Variants in SYNPO2 observed in about 807,000 individuals in gnomAD.
The protein encoded by SYNPO2 is synaptopodin-2.
Under a neutral mutation model 85.0 loss-of-function variants are expected in SYNPO2, and 56 were observed. The observed-to-expected ratio is 0.66, with a 90% confidence interval of 0.53 to 0.82. The LOEUF (loss-of-function observed/expected upper bound fraction) is 0.82. SYNPO2 is among the 40% of genes least tolerant of loss of function. SYNPO2 has a pLI of 0.00. For missense variants in SYNPO2, 1,575 were observed against 1,534.2 expected, an observed-to-expected ratio of 1.03 and a Z score of -0.44; for synonymous variants, 602 against 591.1, an observed-to-expected ratio of 1.02 and a Z score of -0.27.
At chr4:118,937,666 C>A (rs1274918366) in intron 1 of SYNPO2, among the ~76,000 whole-genome samples, 2 of 151,968 alleles carry the variant, frequency 1.3e-5, no homozygotes, top group African/African-American at 2.4e-5. Flanking sequence ...AGTTTCTTCA[C>A]CTGTACAATA....
chr4:119,016,852 A>C (rs1578645927), intron 1 of SYNPO2, among the ~76,000 whole-genome samples: 2 of 152,322 alleles, frequency 1.3e-5, no homozygotes, highest in South Asian at 2.1e-4. Context: ...CTGTGGAATC[A>C]CTTTGGTATG....
chr4:119,006,141 C>G (rs939181584), intron 1 of SYNPO2: 4 of 153,180 alleles, frequency 2.6e-5, no homozygotes, highest in African/African-American at 4.8e-5. Flanking sequence ...TACAGATAAG[C>G]CTGAACATGA....
At chr4:118,939,810 AATAGAGTTACCCGTC>A (rs1170314248) in intron 1 of SYNPO2, among the ~76,000 whole-genome samples, 2 of 152,120 alleles carry the variant, frequency 1.3e-5, no homozygotes, top group Non-Finnish European at 2.9e-5. Flanking sequence ...TGACTTCCCT[AATAGAGTTACCCGTC>A]ATGGTTTAAG....
intron 1 of SYNPO2, among the ~76,000 whole-genome samples, chr4:118,993,200 GACAA>G (rs199944469): frequency 0.085 from 12,826 of 151,712 alleles, 637 homozygotes; most frequent in East Asian, 0.12. Flanking sequence ...AGAGAGAGAA[GACAA>G]ACAAAATGTG....
chr4:118,919,120 A>G (rs993255091), intron 1 of SYNPO2, among the ~76,000 whole-genome samples: 2 of 152,228 alleles, frequency 1.3e-5, no homozygotes. Flanking sequence ...ACAAGTATTC[A>G]AAAATACTCA....
At chr4:118,919,440 A>G (rs996084227) in intron 1 of SYNPO2, among the ~76,000 whole-genome samples, 5 of 152,174 alleles carry the variant, frequency 3.3e-5, no homozygotes, top group African/African-American at 1.2e-4. Flanking sequence ...CTAGGTATCA[A>G]CTTTTAAAGC....
intron 1 of SYNPO2, among the ~76,000 whole-genome samples, chr4:118,914,165 G>C (rs777318416): frequency 2.6e-5 from 4 of 152,076 alleles, no homozygotes; most frequent in Non-Finnish European, 5.9e-5. Flanking sequence ...TTTATTGAGA[G>C]ATTGTATTAG....
chr4:118,973,657 A>G (rs1432374728), intron 1 of SYNPO2, among the ~76,000 whole-genome samples: 3 of 152,186 alleles, frequency 2.0e-5, no homozygotes, highest in African/African-American at 7.2e-5. Flanking sequence ...ACTGTTGGGC[A>G]AATGCCAGTT....
intron 1 of SYNPO2, among the ~76,000 whole-genome samples, chr4:119,013,577 G>A (rs529545667): frequency 3.9e-4 from 59 of 152,230 alleles, no homozygotes; most frequent in African/African-American, 1.3e-3. Context: ...CCCATTTAAG[G>A]AAAACAATGG....
At chr4:119,049,051 G>A (rs184746749) in intron 4 of SYNPO2, among the ~76,000 whole-genome samples, 74 of 152,290 alleles carry the variant, frequency 4.9e-4, no homozygotes, top group African/African-American at 1.8e-3. Context: ...ATTTGTGATA[G>A]CTTAGTCCAG....
upstream of SYNPO2, among the ~76,000 whole-genome samples, chr4:118,884,941 G>A (rs1029486030): frequency 2.6e-5 from 4 of 152,212 alleles, no homozygotes; most frequent in Admixed American, 1.3e-4. Flanking sequence ...ATAGTAGCAC[G>A]TGGAAGGAAC....
At chr4:119,025,123 C>G (rs1737884248) in intron 2 of SYNPO2, among the ~76,000 whole-genome samples, 1 of 152,158 alleles carries the variant, frequency 6.6e-6, no homozygotes, top group Non-Finnish European at 1.5e-5. Flanking sequence ...TTTACTTCAG[C>G]TGCTGATAAA....
chr4:118,965,011 C>T (rs921350531), intron 1 of SYNPO2, among the ~76,000 whole-genome samples: 1 of 152,134 alleles, frequency 6.6e-6, no homozygotes, highest in Non-Finnish European at 1.5e-5. Context: ...GTTGCATTCA[C>T]AGTCAGCTCT....
Position 119,058,675 on chromosome 4 carries a change from A to G in SYNPO2, c.*741A>G, listed in dbSNP as rs1430031079. ...TTTTTAGTAGACACAAAGTTTCACC[A>G]TGTTGGTCAGACTGGTCTTGAACTC... On this transcript the variant is annotated 3_prime_UTR_variant, in exon 5 of 5. Coordinates refer to ENST00000307142, the MANE Select transcript of SYNPO2 (RefSeq NM_133477.3). 6.6e-6 allele frequency: 1 copy of G among 151,892 alleles called. No homozygotes were observed. Among genetic ancestry groups the G allele is most frequent in the African/African-American group, 2.4e-5 (1 of 41,340 alleles). 9.4% of individuals were successfully genotyped at this position (151,892 alleles called of 1,614,324 possible).
intron 4 of SYNPO2, chr4:119,033,197 G>A: frequency 2.0e-6 from 2 of 985,418 alleles, no homozygotes; most frequent in African/African-American, 3.5e-5. Context: ...AGACTGTAGG[G>A]TGAGAGCACA....
At chr4:119,043,903 A>C (rs1364455324) in intron 4 of SYNPO2, 1 of 126,644 alleles carries the variant, frequency 7.9e-6, no homozygotes, top group African/African-American at 2.9e-5. Context: ...GTACTGCTGC[A>C]GTCCAGCCTG....
chr4:118,913,249 A>G (rs1241915837), intron 1 of SYNPO2, among the ~76,000 whole-genome samples: 1 of 152,180 alleles, frequency 6.6e-6, no homozygotes, highest in African/African-American at 2.4e-5. Context: ...TGAAAAAATT[A>G]ATTCTGCATA....
At chr4:118,917,275 C>A (rs1349207231) in intron 1 of SYNPO2, among the ~76,000 whole-genome samples, 1 of 152,112 alleles carries the variant, frequency 6.6e-6, no homozygotes, top group Non-Finnish European at 1.5e-5. Flanking sequence ...TGCCTGTAAT[C>A]CCAGCTACTT....
At chr4:118,918,542 C>T (rs1344781027) in intron 1 of SYNPO2, among the ~76,000 whole-genome samples, 1 of 152,120 alleles carries the variant, frequency 6.6e-6, no homozygotes, top group Non-Finnish European at 1.5e-5. Context: ...GGAGAATTGG[C>T]TGCAAACTGG....
Sources: allele counts gnomAD v4.1 joint callset (sites outside exome capture counted in the v4.1 genomes callset), GRCh38; gene constraint gnomAD v4.1.1; transcripts MANE v1.5; gene names NCBI Gene and HGNC (gene_info 2026-07-23, HGNC 2026-07-21).